CLVS1: variants seen among roughly 807,000 people sequenced by gnomAD.
CLVS1 encodes the protein clavesin-1.
In CLVS1, 10 loss-of-function variants were observed where a neutral mutation model predicts 33.1. The ratio of observed to expected loss-of-function variants is 0.30; its 90% CI spans 0.19 to 0.51. The LOEUF (loss-of-function observed/expected upper bound fraction) is 0.51, where lower values mean the gene tolerates loss of function less well. CLVS1 is among the 20% of genes least tolerant of loss of function. The probability of loss-of-function intolerance (pLI) is 0.97; values close to 1 mark genes in which losing one functional copy is unlikely to be tolerated. For synonymous variants in CLVS1, 163 were observed against 166.1 expected (o/e 0.98, Z 0.14); for missense variants, 343 against 433.4 (o/e 0.79, Z 1.85).
chr8:61,337,980 C>G (rs1276453904), intron 2 of CLVS1, among the ~76,000 whole-genome samples: 1 of 152,170 alleles, frequency 6.6e-6, no homozygotes, highest in African/African-American at 2.4e-5. Context: ...AAATGATCTC[C>G]TCACTTCCAC....
intron 2 of CLVS1, among the ~76,000 whole-genome samples, chr8:61,238,423 T>C (rs897426556): frequency 2.6e-5 from 4 of 151,968 alleles, no homozygotes; most frequent in African/African-American, 7.3e-5. Flanking sequence ...CTTTTCTTTT[T>C]CCCCCACAAA....
At chr8:60,981,173 A>G in the CLVS1 span, among the ~76,000 whole-genome samples, 5 of 152,228 alleles carry the variant, frequency 3.3e-5, no homozygotes, top group Admixed American at 3.3e-4. Context: ...CAGGAAATTA[A>G]CACAGGAACA....
intron 1 of CLVS1, among the ~76,000 whole-genome samples, chr8:61,094,190 T>C (rs974065889): frequency 7.9e-5 from 12 of 152,220 alleles, no homozygotes; most frequent in African/African-American, 2.9e-4. Flanking sequence ...GCCCCAGCAA[T>C]TCCTGCTCTG....
chr8:61,154,700 G>A (rs751773822), intron 2 of CLVS1, among the ~76,000 whole-genome samples: 1 of 152,262 alleles, frequency 6.6e-6, no homozygotes, highest in South Asian at 2.1e-4. Flanking sequence ...TTATCTGCAA[G>A]ATAATAATAA....
chr8:61,258,473 A>T (rs2129592069), intron 2 of CLVS1, among the ~76,000 whole-genome samples: 1 of 152,300 alleles, frequency 6.6e-6, no homozygotes, highest in Middle Eastern at 3.4e-3. Context: ...ACCTTTCTGA[A>T]TCAGGCTTGA....
intron 1 of CLVS1, among the ~76,000 whole-genome samples, chr8:61,074,281 T>G (rs1316978941): frequency 1.3e-5 from 2 of 149,690 alleles, no homozygotes; most frequent in Non-Finnish European, 3.0e-5. Flanking sequence ...GAAGCTGCAG[T>G]GAACCATGAT....
chr8:61,352,875 T>A (rs1473020003), intron 2 of CLVS1, among the ~76,000 whole-genome samples: 3 of 152,046 alleles, frequency 2.0e-5, no homozygotes, highest in Non-Finnish European at 4.4e-5. Flanking sequence ...TTAAGTATTA[T>A]AAGTAATCTA....
rs1318995996 is a variant in CLVS1, at chr8:61,500,825, A to G, written c.*1283A>G. 1 of 152,232 alleles carries G rather than the reference A, an allele frequency of 6.6e-6. No homozygotes were observed. Among genetic ancestry groups the G allele is most frequent in the Non-Finnish European group, 1.5e-5 (1 of 68,034 alleles). The allele number at this position is 152,232 out of a possible 1,614,324, so 9.4% of individuals were successfully genotyped here. A position where few individuals can be genotyped will look rare whatever the true frequency, so the allele number is the denominator to read the frequency against. On this transcript the variant is annotated 3_prime_UTR_variant, in exon 6 of 6. Coordinates refer to ENST00000325897, the MANE Select transcript of CLVS1 (RefSeq NM_173519.3). ...AATGGGCAGTAAAATATGATTTTAC[A>G]TTATTTTAAATATTTGGGAGAGTTA... is the stretch of plus-strand genomic sequence containing the variant.
At chr8:61,035,333 G>C in the CLVS1 span, among the ~76,000 whole-genome samples, 980 of 152,026 alleles carry the variant, frequency 6.4e-3, 6 homozygotes, top group African/African-American at 0.021. Flanking sequence ...TTTCCAGTCT[G>C]ATGTTCTATG....
intron 2 of CLVS1, among the ~76,000 whole-genome samples, chr8:61,167,401 C>T (rs1170358958): frequency 2.0e-5 from 3 of 151,968 alleles, no homozygotes; most frequent in Non-Finnish European, 2.9e-5. Flanking sequence ...AGGCTGGTCT[C>T]GAAATCCTAA....
intron 5 of CLVS1, among the ~76,000 whole-genome samples, chr8:61,484,206 C>T (rs1246581870): frequency 6.6e-6 from 1 of 152,194 alleles, no homozygotes; most frequent in African/African-American, 2.4e-5. Flanking sequence ...ATCATCTCAG[C>T]CCTAAATCTC....
rs939868999 is a variant in CLVS1 at position 61,500,994 on chromosome 8, G to A, written c.*1452G>A. ...GTTTTAATTTTTTCCCCTATTGGTA[G>A]AGAACAATAACAGAAGTAATTTTTA... is the stretch of plus-strand genomic sequence containing the variant. On this transcript the variant is annotated 3_prime_UTR_variant, in exon 6 of 6. Transcript: ENST00000325897. 6 of 151,962 alleles carry A rather than the reference G, an allele frequency of 3.9e-5. No homozygotes were observed. The highest frequency in any genetic ancestry group is 1.5e-4 in the African/African-American group (6 of 41,362). 9.4% of individuals were successfully genotyped at this position (151,962 alleles called of 1,614,324 possible).
upstream of CLVS1, among the ~76,000 whole-genome samples, chr8:61,052,929 G>A (rs1804410967): frequency 6.6e-6 from 1 of 152,178 alleles, no homozygotes; most frequent in Non-Finnish European, 1.5e-5. Context: ...GACATTACAC[G>A]ACTTGGCCCA....
intron 3 of CLVS1, among the ~76,000 whole-genome samples, chr8:61,434,887 T>C (rs983692767): frequency 1.3e-5 from 2 of 152,164 alleles, no homozygotes; most frequent in African/African-American, 4.8e-5. Flanking sequence ...GGATTCTCTA[T>C]AGAATGTGGA....
the CLVS1 span, among the ~76,000 whole-genome samples, chr8:60,982,318 C>A: frequency 2.0e-5 from 3 of 152,084 alleles, no homozygotes; most frequent in East Asian, 5.8e-4. Context: ...TGGTGTGGTA[C>A]GTGGGTTATT....
At position 61,477,488 on chromosome 8, in the gene CLVS1, T is replaced by A. The variant is rs1254325267; in HGVS notation, c.977+18946T>A. ...GCCTCAATTCAGAGCCTGTTATTGG[T>A]CTATACAGAGATTCAACTTCTTCCT... On this transcript the variant is annotated intron_variant, in intron 5 of 5. Coordinates refer to ENST00000325897, the MANE Select transcript of CLVS1 (RefSeq NM_173519.3). Among the ~76,000 whole-genome samples the A allele has an allele frequency of 2.6e-5, 4 of 152,370 alleles. No individual in the cohort carries two copies. In the East Asian group the frequency reaches 7.7e-4, roughly 29 times the overall value.
At chr8:61,243,660 A>G (rs1808743128) in intron 2 of CLVS1, among the ~76,000 whole-genome samples, 1 of 152,140 alleles carries the variant, frequency 6.6e-6, no homozygotes, top group African/African-American at 2.4e-5. Flanking sequence ...TGATTTTTTA[A>G]TGTCTGTAGG....
At chr8:61,419,845 A>G (rs1563545255) in intron 3 of CLVS1, among the ~76,000 whole-genome samples, 1 of 152,226 alleles carries the variant, frequency 6.6e-6, no homozygotes, top group Non-Finnish European at 1.5e-5. Flanking sequence ...TGTCAAAGAC[A>G]TGACATCCAA....
chr8:61,412,547 T>C (rs1815268872), intron 3 of CLVS1, among the ~76,000 whole-genome samples: 1 of 152,224 alleles, frequency 6.6e-6, no homozygotes, highest in South Asian at 2.1e-4. Context: ...AGGCATTCCA[T>C]GGCATTCAAG....
Sources: gnomAD v4.1 joint callset for allele counts (sites outside exome capture counted in the v4.1 genomes callset) on GRCh38, gnomAD v4.1.1 for gene constraint, MANE v1.5 for transcripts, NCBI Gene and HGNC (gene_info 2026-07-23, HGNC 2026-07-21) for gene names.